Variants in UNC5C observed in about 807,000 individuals in gnomAD.
UNC5C encodes the protein unc-5 netrin receptor C, also known as netrin receptor UNC5C.
UNC5C carries 47 observed loss-of-function variants against 99.8 expected under a neutral mutation model. The ratio of observed to expected loss-of-function variants is 0.47; its 90% CI spans 0.37 to 0.60. UNC5C has a LOEUF of 0.60. Among genes scored for constraint, UNC5C ranks in the 20% least tolerant of loss-of-function variants. The pLI is 0.00. For synonymous variants in UNC5C, 487 were observed against 452.2 expected, an observed-to-expected ratio of 1.08 and a Z score of -0.98; for missense variants, 1,062 against 1,165.9, an observed-to-expected ratio of 0.91 and a Z score of 1.30.
intron 1 of UNC5C, among the ~76,000 whole-genome samples, chr4:95,404,832 C>A (rs992218283): frequency 6.6e-6 from 1 of 152,126 alleles, no homozygotes; most frequent in African/African-American, 2.4e-5. Context: ...AGCAAGCCAG[C>A]AGATCAGCAG....
At chr4:95,280,393 A>G (rs896862327) in intron 3 of UNC5C, among the ~76,000 whole-genome samples, 33 of 152,184 alleles carry the variant, frequency 2.2e-4, no homozygotes, top group African/African-American at 7.7e-4. Flanking sequence ...TATATTGTAG[A>G]AATGAACATT....
At chr4:95,343,870 T>C (rs1743669610) in intron 1 of UNC5C, among the ~76,000 whole-genome samples, 1 of 152,082 alleles carries the variant, frequency 6.6e-6, no homozygotes, top group Non-Finnish European at 1.5e-5. Flanking sequence ...GAAGTCGGGT[T>C]ATTTGAAAGT....
At chr4:95,511,471 T>C (rs964567415) in intron 1 of UNC5C, among the ~76,000 whole-genome samples, 2 of 152,154 alleles carry the variant, frequency 1.3e-5, no homozygotes, top group African/African-American at 4.8e-5. Context: ...AAGTGTTAAA[T>C]GTCCAACATA....
chr4:95,507,394 G>A (rs1721952815), intron 1 of UNC5C, among the ~76,000 whole-genome samples: 1 of 152,000 alleles, frequency 6.6e-6, no homozygotes, highest in Non-Finnish European at 1.5e-5. Context: ...CAATGAGATG[G>A]TTTAACTGCC....
chr4:95,505,581 G>A (rs965320146), intron 1 of UNC5C, among the ~76,000 whole-genome samples: 1 of 152,030 alleles, frequency 6.6e-6, no homozygotes, highest in Non-Finnish European at 1.5e-5. Context: ...CAACTAAAGC[G>A]AATTGGTCTG....
chr4:95,200,583 A>AT (rs1029557951), intron 12 of UNC5C, among the ~76,000 whole-genome samples: 2 of 152,354 alleles, frequency 1.3e-5, no homozygotes, highest in South Asian at 4.1e-4. Flanking sequence ...ATGAGTTAAT[A>AT]TAAAATATTT....
chr4:95,170,054 T>A (rs1736026021), intron 15 of UNC5C, 100 bp downstream of exon 15: 2 of 1,454,486 alleles, frequency 1.4e-6, no homozygotes, highest in Admixed American at 2.2e-5. Flanking sequence ...AATAGATGTG[T>A]GGATGGAAAA....
intron 1 of UNC5C, among the ~76,000 whole-genome samples, chr4:95,350,624 A>G (rs1001009543): frequency 6.6e-6 from 1 of 152,222 alleles, no homozygotes; most frequent in Non-Finnish European, 1.5e-5. Flanking sequence ...TTCAATAATT[A>G]TTGACAGACA....
At chr4:95,444,926 C>A (rs186433231) in intron 1 of UNC5C, among the ~76,000 whole-genome samples, 106 of 152,138 alleles carry the variant, frequency 7.0e-4, no homozygotes, top group African/African-American at 2.3e-3. Flanking sequence ...ATATGAAGAG[C>A]CACTTTTGGT....
intron 4 of UNC5C, among the ~76,000 whole-genome samples, chr4:95,253,746 C>T (rs529322740): frequency 3.9e-5 from 6 of 152,184 alleles, no homozygotes; most frequent in Admixed American, 1.3e-4. Context: ...CACCCCAGTG[C>T]TGCCAGCCAT....
At chr4:95,317,171 C>T (rs1046080978) in intron 2 of UNC5C, among the ~76,000 whole-genome samples, 1 of 152,132 alleles carries the variant, frequency 6.6e-6, no homozygotes, top group Admixed American at 6.5e-5. Flanking sequence ...TCTGGGCCTT[C>T]AGCACTGGGT....
At chr4:95,480,808 A>G (rs548431042) in intron 1 of UNC5C, among the ~76,000 whole-genome samples, 1 of 151,812 alleles carries the variant, frequency 6.6e-6, no homozygotes, top group South Asian at 2.1e-4. Flanking sequence ...AAATTCAACA[A>G]CCATTCATGC....
intron 1 of UNC5C, among the ~76,000 whole-genome samples, chr4:95,410,663 G>T (rs1304124170): frequency 6.6e-6 from 1 of 152,294 alleles, no homozygotes; most frequent in African/African-American, 2.4e-5. Context: ...CTAGAAGAAA[G>T]TCAAGCCTCA....
Position 95,220,598 on chromosome 4 carries a change from T to C in UNC5C, c.1109-422A>G, listed in dbSNP as rs531670303. ...ATATCTGGCATGTTTTAAATCTGCA[T>C]ATTTATTGAACCAGAATATTTTCCT... On this transcript the variant is annotated intron_variant, in intron 7 of 15. Coordinates refer to ENST00000453304, the MANE Select transcript of UNC5C (RefSeq NM_003728.4). 6.4e-4 allele frequency among the ~76,000 whole-genome samples: 98 copies of C among 152,334 alleles called. No homozygotes were observed. The Middle Eastern group carries it at 0.017, about 26-fold the overall frequency.
intron 1 of UNC5C, among the ~76,000 whole-genome samples, chr4:95,350,912 G>T (rs1000964860): frequency 1.3e-5 from 2 of 152,038 alleles, no homozygotes; most frequent in Non-Finnish European, 2.9e-5. Flanking sequence ...TTAAGTGAGG[G>T]AGCTTATTCT....
chr4:95,447,443 CTAGT>C (rs745628467), intron 1 of UNC5C, among the ~76,000 whole-genome samples: 2 of 152,166 alleles, frequency 1.3e-5, no homozygotes, highest in African/African-American at 2.4e-5. Context: ...TGTCACATAG[CTAGT>C]TAAAGTGACA....
At chr4:95,437,862 A>G (rs1746837198) in intron 1 of UNC5C, among the ~76,000 whole-genome samples, 1 of 152,100 alleles carries the variant, frequency 6.6e-6, no homozygotes, top group Non-Finnish European at 1.5e-5. Flanking sequence ...AATAAAATAG[A>G]GTGGTAGGAT....
chr4:95,184,395 A>G (rs1285839308), intron 13 of UNC5C, among the ~76,000 whole-genome samples: 1 of 152,202 alleles, frequency 6.6e-6, no homozygotes, highest in Non-Finnish European at 1.5e-5. Flanking sequence ...ATGGATTCAC[A>G]GCTCTCTAAA....
At chr4:95,245,604 G>T (rs924443891) in intron 5 of UNC5C, among the ~76,000 whole-genome samples, 1 of 152,132 alleles carries the variant, frequency 6.6e-6, no homozygotes, top group Non-Finnish European at 1.5e-5. Flanking sequence ...ACTTTACAAC[G>T]TTTTAAGGAT....
Sources: gnomAD v4.1 joint callset for allele counts (sites outside exome capture counted in the v4.1 genomes callset) on GRCh38, gnomAD v4.1.1 for gene constraint, MANE v1.5 for transcripts, NCBI Gene and HGNC (gene_info 2026-07-23, HGNC 2026-07-21) for gene names.